BMPR1B: variants seen among roughly 807,000 people sequenced by gnomAD.
BMPR1B encodes bone morphogenetic protein receptor type-1B.
BMPR1B carries 12 observed loss-of-function variants against 59.1 expected under a neutral mutation model. The observed-to-expected ratio is 0.20, with a 90% CI of 0.13 to 0.33. The LOEUF is 0.33. Ranked by LOEUF, BMPR1B falls within the 10% of genes least tolerant of loss-of-function variation. The pLI, the probability that BMPR1B is intolerant of heterozygous loss-of-function variation, is 1.00. For synonymous variants in BMPR1B, 237 were observed against 207.3 expected, an observed-to-expected ratio of 1.14 and a Z score of -1.23; for missense variants, 550 against 610.9, an observed-to-expected ratio of 0.90 and a Z score of 1.05.
chr4:95,121,691 T>C (rs1732543495), intron 6 of BMPR1B, among the ~76,000 whole-genome samples: 1 of 151,352 alleles, frequency 6.6e-6, no homozygotes. Context: ...GAAGGGCACA[T>C]TGGAATTCTT....
At chr4:95,051,527 G>T (rs1287729021) in intron 3 of BMPR1B, among the ~76,000 whole-genome samples, 3 of 152,166 alleles carry the variant, frequency 2.0e-5, no homozygotes, top group Non-Finnish European at 2.9e-5. Context: ...AGTCTCTGTG[G>T]TGACAGAACC....
chr4:95,115,727 A>T lies in BMPR1B; in HGVS notation c.289A>T (p.Thr97Ser), dbSNP rs759423600. 8.1e-6 allele frequency: 13 copies of T among 1,613,642 alleles called. No individual in the cohort carries two copies. Among genetic ancestry groups the T allele is most frequent in the Non-Finnish European group, 1.1e-5 (13 of 1,179,852 alleles). ...TCAAAGAAGATCAATTGAATGCTGC[A>T]CAGAAAGGAACGAATGTAATAAAGA... ...PHQRRSIECCTERNECNKDLH... is the reference protein window; with the variant it reads ...PHQRRSIECCSERNECNKDLH... Residue 97 changes from threonine (T) to serine (S), a missense_variant, in exon 6 of 13, where the codon ACA becomes TCA. Coordinates refer to ENST00000515059, the MANE Select transcript of BMPR1B (RefSeq NM_001203.3).
In BMPR1B at chr4:95,130,723, CTTTTTTTTT is replaced by C. The variant is rs148720302; in HGVS notation, c.779-475_779-467del. ...GGTTTTTTTCTTTTTCTTTTCTTTT[CTTTTTTTTT>C]TTTTTTTTTTTTTTTTGAGATAAAG... On this transcript the variant is annotated intron_variant, in intron 9 of 12. Transcript: ENST00000515059. Among the ~76,000 whole-genome samples the C allele has an allele frequency of 3.2e-3, 246 of 77,954 alleles. 3 individuals carry two copies. The highest frequency in any genetic ancestry group is 2.3e-3 in the Non-Finnish European group (102 of 44,508). The allele number at this position is 77,954 out of a possible 152,430, so 51.1% of individuals were successfully genotyped here. A position where few individuals can be genotyped will look rare whatever the true frequency, so the allele number is the denominator to read the frequency against.
chr4:95,059,625 TATG>T (rs1193947529), intron 3 of BMPR1B, among the ~76,000 whole-genome samples: 32 of 113,982 alleles, frequency 2.8e-4, no homozygotes, highest in Admixed American at 1.4e-3. Context: ...CTTAACCTAT[TATG>T]GTAAAAAAAA....
At chr4:94,961,423 C>G (rs1217589701) in intron 2 of BMPR1B, among the ~76,000 whole-genome samples, 2 of 152,178 alleles carry the variant, frequency 1.3e-5, no homozygotes, top group Non-Finnish European at 2.9e-5. Context: ...AGTCTATTCA[C>G]TGATTTCATT....
At chr4:94,967,826 AAG>A (rs1201674656) in intron 2 of BMPR1B, among the ~76,000 whole-genome samples, 1 of 152,044 alleles carries the variant, frequency 6.6e-6, no homozygotes, top group African/African-American at 2.4e-5. Context: ...GGCCACGTGA[AAG>A]AGATTTTTTT....
intron 3 of BMPR1B, among the ~76,000 whole-genome samples, chr4:95,076,732 T>C (rs1197657039): frequency 1.3e-5 from 2 of 152,040 alleles, no homozygotes; most frequent in African/African-American, 4.8e-5. Flanking sequence ...AACATGTGTG[T>C]GCAACTAAGG....
intron 10 of BMPR1B, among the ~76,000 whole-genome samples, chr4:95,140,356 A>G (rs932646469): frequency 3.9e-5 from 6 of 152,194 alleles, no homozygotes; most frequent in African/African-American, 1.4e-4. Context: ...CACATTCTGG[A>G]CGAAATCCCC....
intron 2 of BMPR1B, among the ~76,000 whole-genome samples, chr4:94,926,141 C>G (rs922334825): frequency 7.0e-6 from 1 of 143,680 alleles, no homozygotes; most frequent in African/African-American, 2.6e-5. Context: ...CCCTCCTTTT[C>G]TTCCTTTCTT....
intron 3 of BMPR1B, among the ~76,000 whole-genome samples, chr4:95,044,758 T>C (rs1195379929): frequency 6.6e-6 from 1 of 152,174 alleles, no homozygotes; most frequent in Non-Finnish European, 1.5e-5. Context: ...TGTGGAATGC[T>C]GCAAATTAGA....
intron 9 of BMPR1B, among the ~76,000 whole-genome samples, chr4:95,130,390 A>C (rs950645515): frequency 6.6e-5 from 10 of 152,202 alleles, no homozygotes; most frequent in Admixed American, 4.6e-4. Flanking sequence ...GAAAAGTTGT[A>C]GGAATCTTAT....
At chr4:95,063,964 A>C (rs1245129662) in intron 3 of BMPR1B, among the ~76,000 whole-genome samples, 1 of 152,168 alleles carries the variant, frequency 6.6e-6, no homozygotes, top group Non-Finnish European at 1.5e-5. Flanking sequence ...AGATTGGCAA[A>C]ATAATTAGCA....
intron 3 of BMPR1B, among the ~76,000 whole-genome samples, chr4:95,060,520 A>G (rs1727281674): frequency 6.6e-6 from 1 of 152,232 alleles, no homozygotes; most frequent in African/African-American, 2.4e-5. Flanking sequence ...GAACAATCCA[A>G]GTATGAGCTG....
chr4:95,125,053 G>T lies in BMPR1B; in HGVS notation c.517G>T (p.Gly173Ter). 1 of 1,613,762 alleles carries T rather than the reference G, an allele frequency of 6.2e-7. No homozygotes were observed. Among genetic ancestry groups the T allele is most frequent in the Non-Finnish European group, 8.5e-7 (1 of 1,179,780 alleles). ...LEQDETYIPP[G>*]ESLRDLIEQS... ...ACAGGATGAAACTTACATTCCTCCT[G>T]GAGAATCCCTGAGAGACTTAATTGA... The change falls in exon 8 of 13, where the codon GGA becomes TGA. Residue 173 changes from glycine to a stop codon, truncating the protein, a stop_gained. Transcript: ENST00000515059. LOFTEE classifies it high-confidence loss of function.
At chr4:94,766,397 C>T (rs543900672) in intron 1 of BMPR1B, among the ~76,000 whole-genome samples, 19 of 149,298 alleles carry the variant, frequency 1.3e-4, no homozygotes, top group Middle Eastern at 3.5e-3. Context: ...AACAGGAAAC[C>T]GGCTCCTGTC....
chr4:94,880,266 C>T (rs1726905337), intron 2 of BMPR1B, among the ~76,000 whole-genome samples: 1 of 152,068 alleles, frequency 6.6e-6, no homozygotes, highest in African/African-American at 2.4e-5. Flanking sequence ...AAATTCAAGG[C>T]AGAACAGCAA....
chr4:95,117,902 G>A (rs191468106), intron 6 of BMPR1B, among the ~76,000 whole-genome samples: 110 of 152,302 alleles, frequency 7.2e-4, no homozygotes, highest in Middle Eastern at 3.4e-3. Context: ...TAGAAAAATA[G>A]TAGAATAAAA....
At chr4:94,959,965 T>C (rs1410040397) in intron 2 of BMPR1B, among the ~76,000 whole-genome samples, 1 of 152,202 alleles carries the variant, frequency 6.6e-6, no homozygotes, top group Non-Finnish European at 1.5e-5. Context: ...GTTTTCAGTG[T>C]CAAAGTAAAG....
At chr4:95,139,471 A>T (rs866347573) in intron 10 of BMPR1B, among the ~76,000 whole-genome samples, 3 of 152,186 alleles carry the variant, frequency 2.0e-5, no homozygotes, top group Admixed American at 6.5e-5. Flanking sequence ...AGTCTGCAGA[A>T]GTTTCTGCTG....
Sources: gnomAD v4.1 joint callset for allele counts (sites outside exome capture counted in the v4.1 genomes callset) on GRCh38, gnomAD v4.1.1 for gene constraint, MANE v1.5 for transcripts, NCBI Gene and HGNC (gene_info 2026-07-23, HGNC 2026-07-21) for gene names.